FRMPD3: variants seen among roughly 807,000 people sequenced by gnomAD.
FRMPD3 encodes the protein FERM and PDZ domain-containing protein 3.
FRMPD3 carries 42 observed loss-of-function variants against 97.9 expected under a neutral mutation model. The observed-to-expected ratio is 0.43, with a 90% CI of 0.34 to 0.55. FRMPD3 has a LOEUF of 0.55. FRMPD3 is among the 20% of genes least tolerant of loss of function. The pLI is 0.03. For missense variants in FRMPD3, 1,303 were observed against 1,457.7 expected (o/e 0.89, Z 1.73); for synonymous variants, 577 against 581.1 (o/e 0.99, Z 0.10).
chrX:107,582,432 C>T (rs777196898), intron 13 of FRMPD3, among the ~76,000 whole-genome samples: 7 of 111,887 alleles, frequency 6.3e-5, no homozygotes, highest in Admixed American at 9.5e-5. Context: ...GTGACCCACC[C>T]GCCTTGACCT....
intron 11 of FRMPD3, among the ~76,000 whole-genome samples, chrX:107,564,263 C>T (rs1922504970): frequency 8.9e-6 from 1 of 112,563 alleles, no homozygotes; most frequent in Admixed American, 9.4e-5. Context: ...ATCTTTCTTC[C>T]ACCCACCTAC....
rs1224877028 is a variant in FRMPD3 at position 107,604,315 on chromosome X, G to A, written c.*942G>A. Reference sequence around the variant, plus strand: ...GGGAGGGGGGAAAGGGGTAGGGGTGGGGGGTGTTGATGACTATATCTTAAA... The same window carrying A: ...GGGAGGGGGGAAAGGGGTAGGGGTGAGGGGTGTTGATGACTATATCTTAAA... On this transcript the variant is annotated 3_prime_UTR_variant, in exon 15 of 15. Transcript: ENST00000683843. 1 of 97,968 alleles carries A rather than the reference G, an allele frequency of 1.0e-5. No individual in the cohort carries two copies. The highest frequency in any genetic ancestry group is 2.1e-5 in the Non-Finnish European group (1 of 48,313). The allele number at this position is 97,968 out of a possible 1,213,427, so 8.1% of individuals were successfully genotyped here.
intron 1 of FRMPD3, among the ~76,000 whole-genome samples, chrX:107,456,777 A>G (rs1412035475): frequency 8.9e-6 from 1 of 112,233 alleles, no homozygotes; most frequent in African/African-American, 3.2e-5. Flanking sequence ...GCTCTGCACA[A>G]TTCCCACATT....
intron 13 of FRMPD3, among the ~76,000 whole-genome samples, chrX:107,588,961 G>A (rs1325966078): frequency 9.0e-6 from 1 of 111,589 alleles, no homozygotes; most frequent in Non-Finnish European, 1.9e-5. Flanking sequence ...ACTGATTCTA[G>A]TTAGCAGCTC....
rs1035090591 is a variant in FRMPD3, at chrX:107,504,657, C to T, written c.-7-21925C>T. ...GCTAAAGACCTTCCCAAAGTCTCCA[C>T]TAGTTCTGTTGTATATCTCAGCCAT... On this transcript the variant is annotated intron_variant, in intron 1 of 14. Transcript: ENST00000683843. Among the ~76,000 whole-genome samples the T allele has an allele frequency of 2.2e-4, 25 of 112,185 alleles. 1 individual carries two copies. Among genetic ancestry groups the T allele is most frequent in the African/African-American group, 7.5e-4 (23 of 30,838 alleles).
At chrX:107,508,754 G>A (rs781342265) in intron 1 of FRMPD3, among the ~76,000 whole-genome samples, 9 of 111,877 alleles carry the variant, frequency 8.0e-5, no homozygotes, top group Admixed American at 4.7e-4. Flanking sequence ...ACAGGTTGGC[G>A]GAGAGAGGGC....
intron 1 of FRMPD3, among the ~76,000 whole-genome samples, chrX:107,472,163 A>G (rs1301158365): frequency 8.9e-6 from 1 of 112,269 alleles, no homozygotes; most frequent in Non-Finnish European, 1.9e-5. Context: ...TCTCATAAAT[A>G]CGTTTAAATT....
At chrX:107,560,918 G>T in intron 10 of FRMPD3, 65 bp downstream of exon 10, 2 of 1,094,373 alleles carry the variant, frequency 1.8e-6, no homozygotes, top group Non-Finnish European at 2.4e-6. Context: ...GATCCTGGGT[G>T]GTTTCCCAGC....
At chrX:107,552,614 A>G (rs984833373) in intron 6 of FRMPD3, among the ~76,000 whole-genome samples, 181 bp from the exon 7 acceptor site, 2 of 112,268 alleles carry the variant, frequency 1.8e-5, no homozygotes, top group African/African-American at 6.5e-5. Context: ...AGCAGCACTC[A>G]TGGGTCACTT....
chrX:107,493,255 C>T (rs2079924948), intron 1 of FRMPD3, among the ~76,000 whole-genome samples: 1 of 109,317 alleles, frequency 9.1e-6, no homozygotes, highest in Non-Finnish European at 1.9e-5. Flanking sequence ...TATATGTTAC[C>T]CAGAGACTCA....
intron 14 of FRMPD3, among the ~76,000 whole-genome samples, chrX:107,599,223 A>G (rs920867276): frequency 3.6e-5 from 4 of 109,739 alleles, no homozygotes; most frequent in Non-Finnish European, 5.7e-5. Flanking sequence ...CAGTGAGCCG[A>G]TACTGCACCA....
At chrX:107,538,345 CA>C (rs1276385161) in intron 4 of FRMPD3, among the ~76,000 whole-genome samples, 2 of 109,368 alleles carry the variant, frequency 1.8e-5, no homozygotes, top group Non-Finnish European at 3.8e-5. Context: ...TGAAGACCCC[CA>C]ATATGTGTTT....
chrX:107,517,808 GGAAA>G (rs1211589576), intron 1 of FRMPD3, among the ~76,000 whole-genome samples: 3 of 85,767 alleles, frequency 3.5e-5, no homozygotes, highest in South Asian at 8.9e-4. Context: ...AGGAAAGGAA[GGAAA>G]GAAAGAAGGA....
intron 13 of FRMPD3, among the ~76,000 whole-genome samples, chrX:107,580,509 A>T (rs1161046859): frequency 9.1e-6 from 1 of 110,267 alleles, no homozygotes; most frequent in Non-Finnish European, 1.9e-5. Flanking sequence ...CACCCTTAGA[A>T]CTCCAGCCTC....
intron 1 of FRMPD3, among the ~76,000 whole-genome samples, chrX:107,507,379 G>A (rs972197348): frequency 3.6e-5 from 4 of 110,894 alleles, no homozygotes; most frequent in East Asian, 2.9e-4. Context: ...GGGTGCGGGG[G>A]ATCGGGGAGA....
In FRMPD3 at chrX:107,573,307, A is replaced by G. The variant is rs1018330809; in HGVS notation, c.1297-3008A>G. Among the ~76,000 whole-genome samples the G allele has an allele frequency of 5.4e-5, 6 of 111,398 alleles. No homozygotes were observed. The Admixed American group carries it at 5.7e-4, about 11-fold the overall frequency. Reference sequence around the variant, plus strand: ...ATGTGAAAACACCTGAGGCAAGCCTAGTGAGTCTTGGGCCCTCGTGGTAGC... The same window carrying G: ...ATGTGAAAACACCTGAGGCAAGCCTGGTGAGTCTTGGGCCCTCGTGGTAGC... On this transcript the variant is annotated intron_variant, in intron 12 of 14. Coordinates refer to ENST00000683843, the MANE Select transcript of FRMPD3 (RefSeq NM_001388459.1).
intron 4 of FRMPD3, chrX:107,545,035 G>C (rs894057679): frequency 3.6e-5 from 4 of 111,993 alleles, no homozygotes; most frequent in African/African-American, 1.3e-4. Flanking sequence ...AGCCGAGATT[G>C]CACCATTGCA....
At chrX:107,459,862 C>T (rs759282376) in intron 1 of FRMPD3, among the ~76,000 whole-genome samples, 7 of 96,985 alleles carry the variant, frequency 7.2e-5, no homozygotes, top group African/African-American at 2.3e-4. Context: ...CGTGTGTGTG[C>T]GTGCGTGCAC....
intron 4 of FRMPD3, among the ~76,000 whole-genome samples, chrX:107,539,612 A>G (rs1266015182): frequency 9.0e-6 from 1 of 110,883 alleles, no homozygotes; most frequent in Non-Finnish European, 1.9e-5. Context: ...AATAATGGGA[A>G]CCACCTCAGA....
Sources: allele counts gnomAD v4.1 joint callset (sites outside exome capture counted in the v4.1 genomes callset), GRCh38; gene constraint gnomAD v4.1.1; transcripts MANE v1.5; gene names NCBI Gene and HGNC (gene_info 2026-07-23, HGNC 2026-07-21).